Variants in ALKBH1 observed in about 807,000 individuals in gnomAD.
ALKBH1 encodes the protein nucleic acid dioxygenase ALKBH1.
In ALKBH1, 31 loss-of-function variants were observed where a neutral mutation model predicts 36.6. That is an observed-to-expected ratio of 0.85 (90% confidence interval 0.64 to 1.14). The LOEUF is 1.14. ALKBH1 is among the 50% of genes most tolerant of loss of function. The pLI, the probability that ALKBH1 is intolerant of heterozygous loss-of-function variation, is 0.00. For missense variants in ALKBH1, 490 were observed against 497.3 expected, an observed-to-expected ratio of 0.99 and a Z score of 0.14; for synonymous variants, 183 against 186.6, an observed-to-expected ratio of 0.98 and a Z score of 0.16.
intron 2 of ALKBH1, among the ~76,000 whole-genome samples, chr14:77,700,924 C>CA (rs1175281579): frequency 9.2e-5 from 14 of 151,590 alleles, no homozygotes; most frequent in African/African-American, 3.4e-4. Flanking sequence ...CCCATCTCTA[C>CA]AAAAAATAAA....
At chr14:77,692,230 A>C (rs189065029) in intron 3 of ALKBH1, among the ~76,000 whole-genome samples, 63 of 152,340 alleles carry the variant, frequency 4.1e-4, no homozygotes, top group African/African-American at 1.4e-3. Context: ...GAGACACAGA[A>C]AGGTGAAGGA....
chr14:77,675,367 G>C (rs1333721766), intron 5 of ALKBH1, among the ~76,000 whole-genome samples: 1 of 151,868 alleles, frequency 6.6e-6, no homozygotes, highest in African/African-American at 2.4e-5. Context: ...CTGGGAGGCG[G>C]AGGTTGAAGT....
At chr14:77,705,411 G>GAAA (rs56123313) in intron 1 of ALKBH1, among the ~76,000 whole-genome samples, 5 of 113,376 alleles carry the variant, frequency 4.4e-5, no homozygotes, top group African/African-American at 3.4e-5. Context: ...CTCCGTCTAA[G>GAAA]AAAAAAAAAA....
intron 1 of ALKBH1, among the ~76,000 whole-genome samples, chr14:77,705,408 T>TG (rs1475359823): frequency 2.1e-4 from 12 of 57,550 alleles, no homozygotes; most frequent in African/African-American, 8.3e-4. Flanking sequence ...AGACTCCGTC[T>TG]AAGAAAAAAA....
In ALKBH1 at chr14:77,675,840, C is replaced by T. The variant is rs1270911955; in HGVS notation, c.556G>A (p.Ala186Thr). The part of the protein sequence containing the change: ...HYNWDSKKYS[A>T]DHYTPFPSDL... ...GAAGGGAAAGGTGTGTAATGATCTG[C>T]TGAGTATTTCTTTGGTAAATGTAGA... Residue 186 changes from alanine to threonine, a missense_variant, in exon 5 of 6, where the codon GCA becomes ACA. Transcript: ENST00000216489. The T allele has an allele frequency of 2.5e-6, 4 of 1,612,306 alleles. No individual in the cohort carries two copies. The highest frequency in any genetic ancestry group is 3.4e-6 in the Non-Finnish European group (4 of 1,178,620).
chr14:77,685,980 T>C (rs1367797932), intron 3 of ALKBH1, among the ~76,000 whole-genome samples: 1 of 152,188 alleles, frequency 6.6e-6, no homozygotes, highest in Non-Finnish European at 1.5e-5. Flanking sequence ...GTAAGTGCAT[T>C]AGACCCTCAT....
chr14:77,696,776 C>G (rs2284234), intron 2 of ALKBH1: 3 of 152,320 alleles, frequency 2.0e-5, no homozygotes, highest in African/African-American at 7.2e-5. Flanking sequence ...AATACGCTGA[C>G]AGATGAGCAA....
At chr14:77,687,510 T>G (rs1447672178) in intron 3 of ALKBH1, among the ~76,000 whole-genome samples, 1 of 152,102 alleles carries the variant, frequency 6.6e-6, no homozygotes, top group Non-Finnish European at 1.5e-5. Flanking sequence ...CTATCTTTCC[T>G]TCCCTTTATA....
chr14:77,679,972 TG>T lies in ALKBH1; in HGVS notation c.456-3del. On this transcript the variant is annotated splice_region_variant and splice_polypyrimidine_tract_variant and intron_variant, in intron 3 of 5. Coordinates refer to ENST00000216489, the MANE Select transcript of ALKBH1 (RefSeq NM_006020.3). Reference sequence around the variant, plus strand: ...CTCCGTTTAGTCGCTTCTTTATACCTGCAAAGATTGGTGACAAAAGAGGAAT... The same window carrying T: ...CTCCGTTTAGTCGCTTCTTTATACCTCAAAGATTGGTGACAAAAGAGGAAT... The T allele has an allele frequency of 6.2e-7, 1 of 1,611,386 alleles. No individual in the cohort carries two copies. Among genetic ancestry groups the T allele is most frequent in the Non-Finnish European group, 8.5e-7 (1 of 1,177,536 alleles).
At chr14:77,676,889 C>T (rs192703220) in intron 4 of ALKBH1, among the ~76,000 whole-genome samples, 7 of 152,232 alleles carry the variant, frequency 4.6e-5, no homozygotes, top group Non-Finnish European at 7.4e-5. Context: ...CTCAAAACAT[C>T]GGAACTAACT....
intron 3 of ALKBH1, chr14:77,683,077 C>G (rs1254225092): frequency 1.3e-5 from 6 of 465,996 alleles, no homozygotes; most frequent in African/African-American, 9.9e-5. Flanking sequence ...ATCTTGAACT[C>G]CTTACCTCAA....
intron 2 of ALKBH1, among the ~76,000 whole-genome samples, chr14:77,703,567 T>C (rs1376734933): frequency 2.7e-5 from 4 of 150,860 alleles, no homozygotes; most frequent in African/African-American, 9.8e-5. Context: ...AGTGTTGGGA[T>C]TACAGGCGTG....
At chr14:77,677,527 A>T (rs1307278599) in intron 4 of ALKBH1, among the ~76,000 whole-genome samples, 3 of 152,104 alleles carry the variant, frequency 2.0e-5, no homozygotes, top group Non-Finnish European at 4.4e-5. Context: ...ATTAACCTCA[A>T]ATCTGATCAG....
chr14:77,694,152 G>C (rs1225840639), intron 3 of ALKBH1, among the ~76,000 whole-genome samples: 8 of 152,006 alleles, frequency 5.3e-5, no homozygotes, highest in Admixed American at 5.3e-4. Context: ...ATGCATTCTT[G>C]CCAGAGACTA....
At chr14:77,701,279 T>TAATC (rs2080357869) in intron 2 of ALKBH1, among the ~76,000 whole-genome samples, 1 of 152,212 alleles carries the variant, frequency 6.6e-6, no homozygotes, top group Non-Finnish European at 1.5e-5. Context: ...CATTAACATT[T>TAATC]AATCCTCATA....
At chr14:77,705,958 A>G (rs965290974) in intron 1 of ALKBH1, among the ~76,000 whole-genome samples, 1 of 152,046 alleles carries the variant, frequency 6.6e-6, no homozygotes, top group African/African-American at 2.4e-5. Context: ...GGGAGGCTGA[A>G]GCAGAAGAAT....
intron 3 of ALKBH1, among the ~76,000 whole-genome samples, chr14:77,690,928 A>C (rs576372956): frequency 5.5e-4 from 83 of 151,964 alleles, no homozygotes; most frequent in African/African-American, 1.7e-3. Context: ...CTGCCTCCTG[A>C]GTAGCTGGGA....
rs530417296 is a variant in ALKBH1 at position 77,695,905 on chromosome 14, G to A, written c.293-1005C>T. Reference sequence around the variant, plus strand: ...AGGTCAGGAGTTTGAGACCAGCCTCGCCAACATGGTGAAACCGTCTGTACT... The same window carrying A: ...AGGTCAGGAGTTTGAGACCAGCCTCACCAACATGGTGAAACCGTCTGTACT... On this transcript the variant is annotated intron_variant, in intron 2 of 5. Transcript: ENST00000216489. Among the ~76,000 whole-genome samples, 6 of 152,114 alleles carry A rather than the reference G, an allele frequency of 3.9e-5. No individual in the cohort carries two copies. In the East Asian group the frequency reaches 1.2e-3, roughly 30 times the overall value.
chr14:77,688,852 G>A (rs1020074319), intron 3 of ALKBH1, among the ~76,000 whole-genome samples: 6 of 152,140 alleles, frequency 3.9e-5, no homozygotes, highest in East Asian at 3.9e-4. Flanking sequence ...GATTATAGGT[G>A]TGAGCCACCG....
Sources: gnomAD v4.1 joint callset for allele counts (sites outside exome capture counted in the v4.1 genomes callset) on GRCh38, gnomAD v4.1.1 for gene constraint, MANE v1.5 for transcripts, NCBI Gene and HGNC (gene_info 2026-07-23, HGNC 2026-07-21) for gene names.